The following ZC3HAV1 variants were observed in gnomAD, a reference collection of about 807,000 sequenced individuals.
The protein encoded by ZC3HAV1 is zinc finger CCCH-type containing, antiviral 1.
Under a neutral mutation model 86.6 loss-of-function variants are expected in ZC3HAV1, and 41 were observed. The observed-to-expected ratio is 0.47, with a 90% CI of 0.37 to 0.61. ZC3HAV1 has a LOEUF of 0.61. Ranked by LOEUF, ZC3HAV1 falls within the 20% of genes least tolerant of loss-of-function variation. ZC3HAV1 has a pLI of 0.00. For synonymous variants in ZC3HAV1, 421 were observed against 432.1 expected, an observed-to-expected ratio of 0.97 and a Z score of 0.32; for missense variants, 964 against 1,141.1, an observed-to-expected ratio of 0.84 and a Z score of 2.24.
chr7:139,070,472 G>C (rs1816738216), intron 7 of ZC3HAV1, among the ~76,000 whole-genome samples: 1 of 151,668 alleles, frequency 6.6e-6, no homozygotes, highest in African/African-American at 2.4e-5. Flanking sequence ...AGACCATCCT[G>C]GCTAACATGG....
At chr7:139,087,280 T>C (rs777073382) in intron 2 of ZC3HAV1, among the ~76,000 whole-genome samples, 2 of 152,132 alleles carry the variant, frequency 1.3e-5, no homozygotes, top group Non-Finnish European at 2.9e-5. Flanking sequence ...CTGGTAGTCA[T>C]GGAGGACTGG....
At position 139,047,369 on chromosome 7, in the gene ZC3HAV1, G is replaced by T; in HGVS notation, c.*225C>A. 1 of 504,050 alleles carries T rather than the reference G, an allele frequency of 2.0e-6. No homozygotes were observed. Among genetic ancestry groups the T allele is most frequent in the Non-Finnish European group, 3.4e-6 (1 of 292,592 alleles). The allele number at this position is 504,050 out of a possible 1,614,324, so 31.2% of individuals were successfully genotyped here. On this transcript the variant is annotated 3_prime_UTR_variant, in exon 13 of 13. Coordinates refer to ENST00000242351, the MANE Select transcript of ZC3HAV1 (RefSeq NM_020119.4). ...AAAAAAAATACAACTGCCTGGCGCT[G>T]ACGCCCAGAAATGATTTCATTGGCA...
rs1050179606 is a variant in ZC3HAV1 at position 139,076,381 on chromosome 7, C to T, written c.1602G>A (p.Leu534=). The T allele has an allele frequency of 6.2e-7, 1 of 1,614,090 alleles. No individual in the cohort carries two copies. The highest frequency in any genetic ancestry group is 1.7e-5 in the Admixed American group (1 of 60,014). Residue 534 remains leucine (L), a synonymous_variant, in exon 6 of 13, where the codon CTG becomes CTA. Transcript: ENST00000242351. ...CAATAAGCATCTGCCACCGGTAAGG[C>T]AGATGGAAGTGGACTTTGCTGCAGC... ...NGSCSKVHFH[L]PYRWQMLIGK...
At chr7:139,083,196 A>C (rs1447089046) in intron 3 of ZC3HAV1, among the ~76,000 whole-genome samples, 2 of 150,260 alleles carry the variant, frequency 1.3e-5, no homozygotes, top group Non-Finnish European at 3.0e-5. Context: ...CCTTAAAAAA[A>C]AGCTTTGTTA....
At chr7:139,099,022 T>C (rs569672735) in intron 1 of ZC3HAV1, among the ~76,000 whole-genome samples, 2 of 152,338 alleles carry the variant, frequency 1.3e-5, no homozygotes, top group African/African-American at 4.8e-5. Context: ...CTCTGCATTA[T>C]GTAAAAAGTA....
intron 1 of ZC3HAV1, 94 bp from the exon 2 acceptor site, chr7:139,089,853 G>A (rs1817378611): frequency 1.5e-6 from 2 of 1,354,984 alleles, no homozygotes; most frequent in Non-Finnish European, 2.0e-6. Context: ...AAAGACCCGT[G>A]CCCATATTCT....
In ZC3HAV1 at chr7:139,109,143, C is replaced by G; in HGVS notation, c.189G>C (p.Ser63=). 6.3e-7 allele frequency: 1 copy of G among 1,591,940 alleles called. No homozygotes were observed. Among genetic ancestry groups the G allele is most frequent in the Non-Finnish European group, 8.6e-7 (1 of 1,169,444 alleles). ...ETGGEAGITR[S]VVATTRARVC... ...CCCGGGCTCGAGTGGTGGCCACCAC[C>G]GATCGGGTGATCCCGGCCTCGCCGC... The change falls in exon 1 of 13, where the codon TCG becomes TCC. Residue 63 remains serine (S), a synonymous_variant. Coordinates refer to ENST00000242351, the MANE Select transcript of ZC3HAV1 (RefSeq NM_020119.4).
intron 7 of ZC3HAV1, 85 bp downstream of exon 7, chr7:139,073,771 A>C: frequency 7.2e-7 from 1 of 1,393,140 alleles, no homozygotes; most frequent in Non-Finnish European, 9.5e-7. Flanking sequence ...GCTTACAGGC[A>C]TGAGCCACCG....
chr7:139,088,053 AAAG>A (rs1817325165), intron 2 of ZC3HAV1, among the ~76,000 whole-genome samples: 3 of 150,408 alleles, frequency 2.0e-5, no homozygotes, highest in Admixed American at 6.6e-5. Context: ...AAAAAAAAAA[AAAG>A]AAAAAAGAAA....
intron 6 of ZC3HAV1, among the ~76,000 whole-genome samples, 158 bp downstream of exon 6, chr7:139,076,128 T>C (rs963001459): frequency 1.3e-5 from 2 of 152,250 alleles, no homozygotes; most frequent in Non-Finnish European, 2.9e-5. Flanking sequence ...CTTCATTAAC[T>C]CGGCAGGCAT....
chr7:139,097,680 C>T (rs891039237), intron 1 of ZC3HAV1, among the ~76,000 whole-genome samples: 4 of 151,428 alleles, frequency 2.6e-5, no homozygotes, highest in South Asian at 2.1e-4. Flanking sequence ...GTGATCCGCT[C>T]GCCTCGGCCT....
intron 8 of ZC3HAV1, among the ~76,000 whole-genome samples, chr7:139,063,535 A>G (rs1342754492): frequency 6.6e-6 from 1 of 151,886 alleles, no homozygotes; most frequent in African/African-American, 2.4e-5. Flanking sequence ...CAGCCTGGGC[A>G]ACAAAGTGAG....
chr7:139,109,575 G>A lies in ZC3HAV1; in HGVS notation c.-244C>T. On this transcript the variant is annotated 5_prime_UTR_variant, in exon 1 of 13. Transcript: ENST00000242351. ...GGCAGGTTTACAGCCGGCCGCAAGG[G>A]CAACTGGGTGGAAAGAAAGAGAACG... The A allele has an allele frequency of 2.2e-6, 1 of 457,814 alleles. No individual in the cohort carries two copies. Among genetic ancestry groups the A allele is most frequent in the Non-Finnish European group, 3.8e-6 (1 of 263,120 alleles). The allele number at this position is 457,814 out of a possible 1,614,324, so 28.4% of individuals were successfully genotyped here.
intron 1 of ZC3HAV1, among the ~76,000 whole-genome samples, chr7:139,102,998 T>C (rs1186174983): frequency 1.3e-5 from 2 of 149,742 alleles, no homozygotes; most frequent in Admixed American, 1.3e-4. Flanking sequence ...ATATATGATA[T>C]ATATAAAATA....
chr7:139,052,933 A>G (rs1478442644), intron 12 of ZC3HAV1, among the ~76,000 whole-genome samples: 2 of 151,990 alleles, frequency 1.3e-5, no homozygotes, highest in African/African-American at 4.8e-5. Flanking sequence ...AAAAAAAAAA[A>G]AATTGGATGC....
intron 1 of ZC3HAV1, among the ~76,000 whole-genome samples, chr7:139,091,595 C>T (rs2130722229): frequency 6.6e-6 from 1 of 152,266 alleles, no homozygotes; most frequent in East Asian, 1.9e-4. Context: ...ATTGTTCTGA[C>T]GGCCATTAGC....
chr7:139,060,293 A>G lies in ZC3HAV1; in HGVS notation c.2096+743T>C, dbSNP rs550138045. On this transcript the variant is annotated intron_variant, in intron 9 of 12. Transcript: ENST00000242351. ...TTATACTTCTCTTGAAGCCTGTTTT[A>G]TGTAATCACACATCACCCAGAAAAA... is the stretch of plus-strand genomic sequence containing the variant. 261 of 985,414 alleles carry G rather than the reference A, an allele frequency of 2.6e-4. No individual in the cohort carries two copies. In the African/African-American group the frequency reaches 4.5e-3, roughly 17 times the overall value. 61.0% of individuals were successfully genotyped at this position (985,414 alleles called of 1,614,324 possible).
chr7:139,084,150 G>A (rs1403483374), intron 2 of ZC3HAV1, 118 bp from the exon 3 acceptor site: 2 of 1,359,904 alleles, frequency 1.5e-6, no homozygotes, highest in Non-Finnish European at 2.0e-6. Flanking sequence ...ATACCAAAGG[G>A]GGAAAAATAC....
At chr7:139,049,292 G>C (rs1816055202) in intron 12 of ZC3HAV1, among the ~76,000 whole-genome samples, 1 of 151,858 alleles carries the variant, frequency 6.6e-6, no homozygotes, top group Non-Finnish European at 1.5e-5. Context: ...TCGGTGCGAG[G>C]CAACAGCTCA....
Sources: allele counts gnomAD v4.1 joint callset (sites outside exome capture counted in the v4.1 genomes callset), GRCh38; gene constraint gnomAD v4.1.1; transcripts MANE v1.5; gene names NCBI Gene and HGNC (gene_info 2026-07-23, HGNC 2026-07-21).